The following NFIB variants were observed in gnomAD, a reference collection of about 807,000 sequenced individuals.
The protein encoded by NFIB is nuclear factor 1 B-type.
Under a neutral mutation model 61.5 loss-of-function variants are expected in NFIB, and 11 were observed. The observed-to-expected ratio is 0.18, with a 90% CI of 0.11 to 0.30. The LOEUF is 0.30. NFIB is among the 10% of genes least tolerant of loss of function. The pLI is 1.00. For synonymous variants in NFIB, 260 were observed against 216.5 expected (o/e 1.20, Z -1.76); for missense variants, 471 against 608.9 (o/e 0.77, Z 2.38).
Position 14,115,512 on chromosome 9 carries a change from C to T in NFIB, c.1384+696G>A, listed in dbSNP as rs3780581. Among the ~76,000 whole-genome samples, 1,556 of 152,108 alleles carry T rather than the reference C, an allele frequency of 0.01. 112 individuals are homozygous for T. In the East Asian group the frequency reaches 0.19, roughly 18 times the overall value. Reference sequence around the variant, plus strand: ...AAAGGAATGATGCGGCTTATTGGTACGTGTTAGGAAGGTTCACTGGCTAAA... The same window carrying T: ...AAAGGAATGATGCGGCTTATTGGTATGTGTTAGGAAGGTTCACTGGCTAAA... On this transcript the variant is annotated intron_variant, in intron 9 of 10. Coordinates refer to ENST00000380953, the MANE Select transcript of NFIB (RefSeq NM_001190737.2).
intron 1 of NFIB, among the ~76,000 whole-genome samples, chr9:14,390,041 AC>A (rs1360218828): frequency 3.9e-5 from 6 of 152,178 alleles, no homozygotes; most frequent in African/African-American, 1.4e-4. Flanking sequence ...ATTGTCTTAA[AC>A]CCTACCAAAA....
rs540193068 is a variant in NFIB at position 14,309,789 on chromosome 9, C to T, written c.31-2269G>A. Among the ~76,000 whole-genome samples, 6 of 152,284 alleles carry T rather than the reference C, an allele frequency of 3.9e-5. No individual in the cohort carries two copies. In the South Asian group the frequency reaches 1.2e-3, roughly 32 times the overall value. On this transcript the variant is annotated intron_variant, in intron 1 of 10. Transcript: ENST00000380953. Reference sequence around the variant, plus strand: ...TGTGGACTTAAATGTGCTTTGGAAACTCACTTCCTATAATCTTTTACTACG... The same window carrying T: ...TGTGGACTTAAATGTGCTTTGGAAATTCACTTCCTATAATCTTTTACTACG...
At chr9:14,381,362 T>G (rs2061487435) in intron 1 of NFIB, among the ~76,000 whole-genome samples, 2 of 151,930 alleles carry the variant, frequency 1.3e-5, no homozygotes, top group South Asian at 4.2e-4. Context: ...CAGCTAATTT[T>G]TTAATTTTTG....
intron 2 of NFIB, among the ~76,000 whole-genome samples, chr9:14,272,778 T>C (rs909205798): frequency 6.6e-6 from 1 of 151,228 alleles, no homozygotes; most frequent in Non-Finnish European, 1.5e-5. Flanking sequence ...CAGAACATGC[T>C]ACATTTTTAA....
intron 2 of NFIB, among the ~76,000 whole-genome samples, chr9:14,286,395 G>A (rs1160487794): frequency 2.6e-5 from 4 of 152,116 alleles, no homozygotes; most frequent in Admixed American, 1.3e-4. Flanking sequence ...GCTACAAGAT[G>A]TCATAACAAG....
chr9:14,255,234 G>A lies in NFIB; in HGVS notation c.562+51755C>T, dbSNP rs548845439. ...TGAAACCCTGACTCAAAAAAAGAAA[G>A]AAAGAAAGAAAAAAGAAACTTGGCT... On this transcript the variant is annotated intron_variant, in intron 2 of 10. Coordinates refer to ENST00000380953, the MANE Select transcript of NFIB (RefSeq NM_001190737.2). 4.4e-4 allele frequency among the ~76,000 whole-genome samples: 67 copies of A among 152,142 alleles called. 2 individuals are homozygous for A. In the South Asian group the frequency reaches 0.014, roughly 31 times the overall value.
At chr9:14,506,011 T>A in the NFIB span, among the ~76,000 whole-genome samples, 1 of 152,106 alleles carries the variant, frequency 6.6e-6, no homozygotes, top group Non-Finnish European at 1.5e-5. Flanking sequence ...TACAAAGAGG[T>A]AATAAAACAT....
intron 2 of NFIB, among the ~76,000 whole-genome samples, chr9:14,246,500 C>G (rs150940963): frequency 2.0e-5 from 3 of 152,286 alleles, no homozygotes; most frequent in East Asian, 3.9e-4. Flanking sequence ...TGCATTGTGT[C>G]CTCCTCTGAG....
chr9:14,441,134 CAAA>C, the NFIB span, among the ~76,000 whole-genome samples: 20 of 100,984 alleles, frequency 2.0e-4, no homozygotes, highest in Non-Finnish European at 3.0e-4. Flanking sequence ...TGAGTGGGTT[CAAA>C]AAAAAAAAAA....
At chr9:14,089,430 A>T (rs1421691007) in intron 10 of NFIB, among the ~76,000 whole-genome samples, 1 of 152,096 alleles carries the variant, frequency 6.6e-6, no homozygotes, top group African/African-American at 2.4e-5. Context: ...CCCTTTAAAA[A>T]GTATCATATG....
chr9:14,242,232 T>G (rs1326085114), intron 2 of NFIB, among the ~76,000 whole-genome samples: 1 of 152,212 alleles, frequency 6.6e-6, no homozygotes, highest in Non-Finnish European at 1.5e-5. Context: ...AATTTATGTG[T>G]TTTTTCCCAC....
chr9:14,405,496 G>A, the NFIB span, among the ~76,000 whole-genome samples: 1 of 152,192 alleles, frequency 6.6e-6, no homozygotes, highest in Admixed American at 6.5e-5. Context: ...ATGTTATGCG[G>A]TGGCAAAACC....
At chr9:14,473,738 A>G in the NFIB span, among the ~76,000 whole-genome samples, 1 of 152,352 alleles carries the variant, frequency 6.6e-6, no homozygotes, top group South Asian at 2.1e-4. Context: ...TTACACACAC[A>G]CAAATGCACT....
At chr9:14,417,066 G>A in the NFIB span, among the ~76,000 whole-genome samples, 1 of 150,546 alleles carries the variant, frequency 6.6e-6, no homozygotes. Flanking sequence ...CTAATTTTTT[G>A]TATCTTTAGT....
At chr9:14,138,274 G>A (rs936393816) in intron 6 of NFIB, among the ~76,000 whole-genome samples, 3 of 152,032 alleles carry the variant, frequency 2.0e-5, no homozygotes, top group Non-Finnish European at 4.4e-5. Context: ...ATAGAATCTT[G>A]TTTTCCATGT....
intron 1 of NFIB, among the ~76,000 whole-genome samples, chr9:14,327,641 G>C (rs907607297): frequency 2.6e-5 from 4 of 152,166 alleles, no homozygotes; most frequent in Non-Finnish European, 5.9e-5. Context: ...TTCCCATGGG[G>C]TGTTTTGAAA....
In NFIB at chr9:14,372,239, T is replaced by C. The variant is rs2061366538; in HGVS notation, c.108+26285A>G. Among the ~76,000 whole-genome samples, 9 of 152,218 alleles carry C rather than the reference T, an allele frequency of 5.9e-5. No homozygotes were observed. In the South Asian group the frequency reaches 1.9e-3, roughly 31 times the overall value. ...TGCTCTGGCTTGCTTTGTTCATTTA[T>C]GAACTGGCCTCTATAAACATCTGAG... On this transcript the variant is annotated intron_variant, in intron 1 of 8. Coordinates refer to the NFIB transcript ENST00000380934.
the NFIB span, among the ~76,000 whole-genome samples, chr9:14,462,418 G>C: frequency 6.6e-6 from 1 of 152,000 alleles, no homozygotes; most frequent in Non-Finnish European, 1.5e-5. Flanking sequence ...CAGCAGCAGG[G>C]ACTACAGGCA....
At chr9:14,456,571 T>C in the NFIB span, among the ~76,000 whole-genome samples, 1 of 152,182 alleles carries the variant, frequency 6.6e-6, no homozygotes, top group African/African-American at 2.4e-5. Context: ...AATTGGCTCT[T>C]ATTCATATGA....
Sources: allele counts gnomAD v4.1 joint callset (sites outside exome capture counted in the v4.1 genomes callset), GRCh38; gene constraint gnomAD v4.1.1; transcripts MANE v1.5; gene names NCBI Gene and HGNC (gene_info 2026-07-23, HGNC 2026-07-21).